KIAA1549L: variants seen among roughly 807,000 people sequenced by gnomAD.
KIAA1549L encodes UPF0606 protein KIAA1549L.
A neutral mutation model predicts 160.7 loss-of-function variants in KIAA1549L; 88 were observed. The observed-to-expected ratio is 0.55, with a 90% confidence interval of 0.46 to 0.65. The LOEUF is 0.65. Among genes scored for constraint, KIAA1549L ranks in the 30% least tolerant of loss-of-function variants. The pLI, the probability that KIAA1549L is intolerant of heterozygous loss-of-function variation, is 0.00. For synonymous variants in KIAA1549L, 950 were observed against 976.7 expected (o/e 0.97, Z 0.51); for missense variants, 2,258 against 2,437.5 (o/e 0.93, Z 1.55).
intron 1 of KIAA1549L, among the ~76,000 whole-genome samples, chr11:33,512,786 A>G (rs904206720): frequency 1.3e-5 from 2 of 152,214 alleles, no homozygotes; most frequent in East Asian, 1.9e-4. Flanking sequence ...CATCAGTTAC[A>G]TGAACAAGGT....
chr11:33,614,584 ATTTTTTTTTTTTTTTTT>A (rs869257067), intron 15 of KIAA1549L, among the ~76,000 whole-genome samples: 1 of 5,120 alleles, frequency 2.0e-4, no homozygotes, highest in Non-Finnish European at 3.5e-4. Context: ...ATATATATAT[ATTTTTTTTTTTTTTTTT>A]TTTTTTTTTT....
chr11:33,458,248 T>C (rs957198066), intron 1 of KIAA1549L, among the ~76,000 whole-genome samples: 8 of 152,232 alleles, frequency 5.3e-5, no homozygotes, highest in Admixed American at 1.3e-4. Flanking sequence ...CCATCATGAA[T>C]GAATCAATAT....
chr11:33,632,413 G>A (rs572382979), intron 16 of KIAA1549L, among the ~76,000 whole-genome samples: 14 of 152,288 alleles, frequency 9.2e-5, no homozygotes, highest in East Asian at 5.8e-4. Flanking sequence ...CAGTGAATGC[G>A]GGGAGATTAC....
intron 12 of KIAA1549L, 97 bp downstream of exon 12, chr11:33,591,518 T>A: frequency 1.0e-6 from 1 of 971,018 alleles, no homozygotes; most frequent in Non-Finnish European, 1.5e-6. Context: ...CGGTTCTCTT[T>A]AAAAATTCCC....
chr11:33,425,923 T>G (rs1214041832), intron 1 of KIAA1549L, among the ~76,000 whole-genome samples: 1 of 152,096 alleles, frequency 6.6e-6, no homozygotes, highest in Non-Finnish European at 1.5e-5. Context: ...CAAACCCAAA[T>G]TAAGGGCAGT....
intron 1 of KIAA1549L, among the ~76,000 whole-genome samples, chr11:33,465,623 G>C (rs1852041259): frequency 1.3e-5 from 2 of 152,138 alleles, no homozygotes; most frequent in South Asian, 4.1e-4. Flanking sequence ...TTATGCTTTT[G>C]TACAAGTGTG....
intron 1 of KIAA1549L, among the ~76,000 whole-genome samples, chr11:33,448,292 G>T (rs1851656237): frequency 1.3e-5 from 2 of 152,070 alleles, no homozygotes; most frequent in Admixed American, 1.3e-4. Flanking sequence ...GATTTTCTTT[G>T]TGCTGCAGCC....
rs1040341650 is a variant in KIAA1549L at position 33,673,902 on chromosome 11, C to T, written c.*5748C>T. ...TGCTTTAACTCTGGGTGAAAAACCC[C>T]AACCGGTGAGTCTTTAAAACCATAT... On this transcript the variant is annotated 3_prime_UTR_variant, in exon 21 of 21. Transcript: ENST00000658780. 2.0e-5 allele frequency: 3 copies of T among 152,198 alleles called. No homozygotes were observed. The highest frequency in any genetic ancestry group is 7.2e-5 in the African/African-American group (3 of 41,450). The allele number at this position is 152,198 out of a possible 1,614,324, so 9.4% of individuals were successfully genotyped here.
At chr11:33,660,075 A>G (rs763851) in intron 19 of KIAA1549L, among the ~76,000 whole-genome samples, 58,326 of 152,184 alleles carry the variant, frequency 0.38, 11,441 homozygotes, top group East Asian at 0.52. Context: ...GGGATGAGAA[A>G]AAGGGAAAAT....
chr11:33,604,536 T>G (rs563725599), intron 13 of KIAA1549L, among the ~76,000 whole-genome samples: 33 of 152,288 alleles, frequency 2.2e-4, no homozygotes, highest in African/African-American at 7.9e-4. Context: ...AATTCACAAT[T>G]GCAAAGATAG....
At chr11:33,437,278 C>T (rs575151644) in intron 1 of KIAA1549L, among the ~76,000 whole-genome samples, 15 of 152,126 alleles carry the variant, frequency 9.9e-5, no homozygotes, top group East Asian at 7.7e-4. Flanking sequence ...TGTAGCCTTT[C>T]GTGGTTGTGA....
At chr11:33,658,110 C>G (rs1564945437) in intron 18 of KIAA1549L, among the ~76,000 whole-genome samples, 1 of 152,228 alleles carries the variant, frequency 6.6e-6, no homozygotes, top group African/African-American at 2.4e-5. Flanking sequence ...CTAGGCTGCC[C>G]TCTTCTTACA....
Position 33,658,802 on chromosome 11 carries a change from G to A in KIAA1549L, c.5911G>A (p.Glu1971Lys), listed in dbSNP as rs750599077. Residue 1971 changes from glutamate (E) to lysine (K), a missense_variant, in exon 19 of 21, where the codon GAG becomes AAG. Physicochemically the swap from Glu to Lys is moderately conservative, Grantham distance 56 (BLOSUM62 1). Coordinates refer to ENST00000658780, the MANE Select transcript of KIAA1549L (RefSeq NM_012194.3). ...KTRMAESTGP[E>K]PAQLHDSASF... is the part of the protein sequence containing the mutation. ...CAGAATGGCCGAGTCTACAGGGCCC[G>A]AGCCGGCCCAGCTGCACGACAGCGC... is the stretch of plus-strand genomic sequence containing the variant. 1.7e-5 allele frequency: 26 copies of A among 1,568,608 alleles called. No homozygotes were observed. In the South Asian group the frequency reaches 2.1e-4, roughly 13 times the overall value.
intron 1 of KIAA1549L, among the ~76,000 whole-genome samples, chr11:33,388,322 C>T (rs1021426637): frequency 6.6e-6 from 1 of 152,148 alleles, no homozygotes; most frequent in Non-Finnish European, 1.5e-5. Flanking sequence ...CTTGTGAGAA[C>T]TCACTATCAG....
In KIAA1549L at chr11:33,574,722, C is replaced by A; in HGVS notation, c.4251C>A (p.Val1417=). 6.2e-7 allele frequency: 1 copy of A among 1,612,224 alleles called. No homozygotes were observed. Among genetic ancestry groups the A allele is most frequent in the Non-Finnish European group, 8.5e-7 (1 of 1,178,890 alleles). ...YTVQMVKMQR[V]PGPKDPAELT... ...GAAAGATGGTGAAGATGCAGCGTGT[C>A]CCAGGCCCGAAGGACCCAGCGGAGC... The change falls in exon 10 of 21, where the codon GTC becomes GTA. Residue 1417 remains valine, a synonymous_variant. Transcript: ENST00000658780.
chr11:33,597,718 G>C (rs554742150), intron 12 of KIAA1549L, among the ~76,000 whole-genome samples: 1 of 152,128 alleles, frequency 6.6e-6, no homozygotes, highest in Non-Finnish European at 1.5e-5. Flanking sequence ...TGAGAGTCCC[G>C]CCCTGAGGAA....
intron 1 of KIAA1549L, among the ~76,000 whole-genome samples, chr11:33,522,609 AC>A (rs1483071537): frequency 6.6e-6 from 1 of 152,190 alleles, no homozygotes; most frequent in Non-Finnish European, 1.5e-5. Flanking sequence ...AGGCATTAGA[AC>A]CAATCAGTAT....
intron 10 of KIAA1549L, among the ~76,000 whole-genome samples, chr11:33,579,395 C>T (rs945107802): frequency 6.6e-6 from 1 of 152,214 alleles, no homozygotes; most frequent in African/African-American, 2.4e-5. Context: ...AAATTACCTT[C>T]TGCCTTCTAA....
intron 1 of KIAA1549L, among the ~76,000 whole-genome samples, chr11:33,510,691 T>A (rs1356716238): frequency 6.6e-6 from 1 of 152,208 alleles, no homozygotes; most frequent in Non-Finnish European, 1.5e-5. Context: ...CTGAGATACT[T>A]CTGCAAATCA....
Sources: allele counts gnomAD v4.1 joint callset (sites outside exome capture counted in the v4.1 genomes callset), GRCh38; gene constraint gnomAD v4.1.1; transcripts MANE v1.5; gene names NCBI Gene and HGNC (gene_info 2026-07-23, HGNC 2026-07-21).